Variants in NLGN1 observed in about 807,000 individuals in gnomAD.
The protein encoded by NLGN1 is neuroligin-1.
NLGN1 carries 12 observed loss-of-function variants against 65.5 expected under a neutral mutation model. The observed-to-expected ratio is 0.18, with a 90% CI of 0.12 to 0.30. The LOEUF (loss-of-function observed/expected upper bound fraction) is 0.30. Ranked by LOEUF, NLGN1 falls within the 10% of genes least tolerant of loss-of-function variation. The pLI, the probability that NLGN1 is intolerant of heterozygous loss-of-function variation, is 1.00. For synonymous variants in NLGN1, 350 were observed against 359.5 expected, an observed-to-expected ratio of 0.97 and a Z score of 0.30; for missense variants, 750 against 1,007.1, an observed-to-expected ratio of 0.74 and a Z score of 3.46.
At chr3:173,783,111 T>C (rs1781430038) in intron 3 of NLGN1, among the ~76,000 whole-genome samples, 1 of 152,152 alleles carries the variant, frequency 6.6e-6, no homozygotes, top group South Asian at 2.1e-4. Context: ...CAAAGAGTGG[T>C]TACCATAGGA....
At position 174,280,670 on chromosome 3, in the gene NLGN1, G is replaced by A. The variant is rs1490210637; in HGVS notation, c.1839G>A (p.Leu613=). Residue 613 remains leucine (L), a synonymous_variant, in exon 7 of 7, where the codon CTG becomes CTA. Transcript: ENST00000457714. This position sits in a 1 kb window ranked among gnomAD's most constrained non-coding sequence, Gnocchi z 4.9. Reference sequence around the variant, plus strand: ...TCTGGTTGGAGTTGGTACCTCATCTGCATAATCTCAATGACATTTCTCAGT... The same window carrying A: ...TCTGGTTGGAGTTGGTACCTCATCTACATAATCTCAATGACATTTCTCAGT... The A allele has an allele frequency of 6.2e-7, 1 of 1,613,296 alleles. No individual in the cohort carries two copies. The highest frequency in any genetic ancestry group is 8.5e-7 in the Non-Finnish European group (1 of 1,179,516).
At chr3:173,441,282 G>T (rs370501672) in intron 2 of NLGN1, among the ~76,000 whole-genome samples, 4 of 152,294 alleles carry the variant, frequency 2.6e-5, no homozygotes, top group African/African-American at 9.6e-5. Context: ...ACATTTTTGT[G>T]TTCAGTGGAG....
chr3:173,896,135 G>A (rs1736314172), intron 4 of NLGN1, among the ~76,000 whole-genome samples: 1 of 152,172 alleles, frequency 6.6e-6, no homozygotes, highest in Non-Finnish European at 1.5e-5. Context: ...ATTTCTGCTA[G>A]GTAGTGTGCT....
chr3:174,162,492 A>G (rs1168211853), intron 4 of NLGN1, among the ~76,000 whole-genome samples: 1 of 151,976 alleles, frequency 6.6e-6, no homozygotes, highest in Non-Finnish European at 1.5e-5. Flanking sequence ...CGATAAAATC[A>G]TTATGTTTGT....
intron 1 of NLGN1, among the ~76,000 whole-genome samples, chr3:173,402,448 G>T (rs1717869222): frequency 6.6e-6 from 1 of 152,054 alleles, no homozygotes. Flanking sequence ...GTGTCTGTTA[G>T]GAAGCTTTTG....
rs918707174 is a variant in NLGN1, at chr3:173,923,844, T to C, written c.646+116012T>C. 2.7e-4 allele frequency among the ~76,000 whole-genome samples: 41 copies of C among 152,158 alleles called. 1 individual carries two copies. The highest frequency in any genetic ancestry group is 1.3e-4 in the Admixed American group (2 of 15,272). ...GATAATTGAGTTGTCAGCTGAGAGATCATTAACAGTAATTTTTATCATAGA... is the reference window on the plus strand; with the variant it reads ...GATAATTGAGTTGTCAGCTGAGAGACCATTAACAGTAATTTTTATCATAGA... On this transcript the variant is annotated intron_variant, in intron 4 of 6. Transcript: ENST00000457714.
At chr3:173,670,977 T>C (rs2149734207) in intron 3 of NLGN1, among the ~76,000 whole-genome samples, 1 of 152,310 alleles carries the variant, frequency 6.6e-6, no homozygotes, top group Non-Finnish European at 1.5e-5. Context: ...TTTAACCGTG[T>C]AATGGCAAAT....
At chr3:173,972,608 T>A (rs56275291) in intron 4 of NLGN1, among the ~76,000 whole-genome samples, 1,627 of 152,130 alleles carry the variant, frequency 0.011, 18 homozygotes, top group Non-Finnish European at 0.018. Flanking sequence ...TAAAATTTAG[T>A]TGGAGGAAAG....
chr3:173,411,118 GA>G (rs1398087753), intron 1 of NLGN1, among the ~76,000 whole-genome samples: 1 of 152,244 alleles, frequency 6.6e-6, no homozygotes, highest in Non-Finnish European at 1.5e-5. Context: ...GTGCTTTAGA[GA>G]AATATAGCAG....
chr3:173,882,628 G>A (rs143960019), intron 4 of NLGN1, among the ~76,000 whole-genome samples: 51 of 152,228 alleles, frequency 3.4e-4, no homozygotes, highest in East Asian at 1.4e-3. Flanking sequence ...TTGCAGCTTC[G>A]TCTTCTCTCT....
At chr3:174,173,158 ATTT>A (rs1728856331) in intron 4 of NLGN1, among the ~76,000 whole-genome samples, 2 of 151,654 alleles carry the variant, frequency 1.3e-5, no homozygotes. Flanking sequence ...TTGTTTGTTG[ATTT>A]TGTATCCTGC....
chr3:173,416,725 A>G (rs1713867527), intron 1 of NLGN1, among the ~76,000 whole-genome samples: 2 of 152,172 alleles, frequency 1.3e-5, no homozygotes, highest in Non-Finnish European at 2.9e-5. Flanking sequence ...TGGGAGACAT[A>G]TAGTTGCAAA....
chr3:174,102,981 A>G (rs998163303), intron 4 of NLGN1, among the ~76,000 whole-genome samples: 1 of 152,226 alleles, frequency 6.6e-6, no homozygotes, highest in Non-Finnish European at 1.5e-5. Flanking sequence ...CATAAGGCAC[A>G]CTGACAGACA....
At chr3:173,507,154 G>A (rs929697066) in intron 2 of NLGN1, among the ~76,000 whole-genome samples, 1 of 152,082 alleles carries the variant, frequency 6.6e-6, no homozygotes, top group Admixed American at 6.6e-5. Context: ...CACTTCTGCT[G>A]TAGGGAATAA....
chr3:173,433,450 A>G (rs1293123061), intron 1 of NLGN1, among the ~76,000 whole-genome samples: 1 of 152,040 alleles, frequency 6.6e-6, no homozygotes, highest in Non-Finnish European at 1.5e-5. Flanking sequence ...TAGGATGCCT[A>G]CTTTTCTCTG....
rs999411038 is a variant in NLGN1 at position 173,490,693 on chromosome 3, G to A, written c.-321+55615G>A. On this transcript the variant is annotated intron_variant, in intron 2 of 6. Coordinates refer to ENST00000457714, the Ensembl canonical transcript of NLGN1. ...TATAAATTACCTTGGGCAGTATGGCGATTTTCACGATATTGATTCTTCCTA... is the reference window on the plus strand; with the variant it reads ...TATAAATTACCTTGGGCAGTATGGCAATTTTCACGATATTGATTCTTCCTA... Among the ~76,000 whole-genome samples, 7 of 152,084 alleles carry A rather than the reference G, an allele frequency of 4.6e-5. No homozygotes were observed. In the East Asian group the frequency reaches 1.2e-3, roughly 25 times the overall value.
At chr3:174,153,379 T>A (rs1428863959) in intron 4 of NLGN1, among the ~76,000 whole-genome samples, 1 of 152,170 alleles carries the variant, frequency 6.6e-6, no homozygotes, top group African/African-American at 2.4e-5. Flanking sequence ...GGACATGATA[T>A]TCACTTTCCC....
At chr3:174,082,698 G>T (rs1034748721) in intron 4 of NLGN1, among the ~76,000 whole-genome samples, 27 of 151,696 alleles carry the variant, frequency 1.8e-4, no homozygotes, top group African/African-American at 6.3e-4. Flanking sequence ...TTATTTTTAC[G>T]TGTGTGACAG....
At chr3:173,769,265 T>A (rs1300489359) in intron 3 of NLGN1, among the ~76,000 whole-genome samples, 1 of 152,154 alleles carries the variant, frequency 6.6e-6, no homozygotes, top group Non-Finnish European at 1.5e-5. Context: ...TGGTTCACTG[T>A]TTCTTCCAGG....
Sources: allele counts gnomAD v4.1 joint callset (sites outside exome capture counted in the v4.1 genomes callset), GRCh38; gene constraint gnomAD v4.1.1; non-coding constraint Gnocchi (gnomAD v3.1); transcripts MANE v1.5; gene names NCBI Gene and HGNC (gene_info 2026-07-23, HGNC 2026-07-21).